PLCB2: variants seen among roughly 807,000 people sequenced by gnomAD.
The protein encoded by PLCB2 is phospholipase C beta 2, also known as 1-phosphatidylinositol 4,5-bisphosphate phosphodiesterase beta-2.
A neutral mutation model predicts 141.7 loss-of-function variants in PLCB2; 115 were observed. That is an observed-to-expected ratio of 0.81 (90% CI 0.70 to 0.95). PLCB2 has a LOEUF of 0.95. PLCB2 is among the 40% of genes least tolerant of loss of function. The probability of loss-of-function intolerance (pLI) is 0.00; values close to 1 mark genes in which losing one functional copy is unlikely to be tolerated. For missense variants in PLCB2, 1,403 were observed against 1,541.1 expected (o/e 0.91, Z 1.50); for synonymous variants, 603 against 595.6 (o/e 1.01, Z -0.18).
In PLCB2 at chr15:40,288,986, A is replaced by T. The variant is rs746545861; in HGVS notation, c.3355-68T>A. ...TGCTGGCCACCCTCGCTCCCTGGAC[A>T]GTGGGAACAGGAGATGCCCAATATC... On this transcript the variant is annotated intron_variant, in intron 31 of 31. Coordinates refer to ENST00000260402, the MANE Select transcript of PLCB2 (RefSeq NM_004573.3). 2.1e-5 allele frequency: 33 copies of T among 1,575,340 alleles called. No individual in the cohort carries two copies. In the African/African-American group the frequency reaches 3.7e-4, roughly 17 times the overall value.
chr15:40,291,035 C>CA lies in PLCB2; in HGVS notation c.3018_3019insT (p.Glu1007Ter). On this transcript the variant is annotated frameshift_variant, in exon 27 of 32. Transcript: ENST00000260402. LOFTEE classifies it high-confidence loss of function. ...CCGGCCACCTCGGCCACGTGCTGCT[C>CA]CTTGCGCTTCAGAACGCACTCGTAC... The CA allele has an allele frequency of 6.3e-7, 1 of 1,594,068 alleles. No homozygotes were observed. Among genetic ancestry groups the CA allele is most frequent in the Non-Finnish European group, 8.5e-7 (1 of 1,177,804 alleles).
rs780082782 is a variant in PLCB2, at chr15:40,298,680, C to T, written c.879G>A (p.Trp293Ter). 1.2e-6 allele frequency: 2 copies of T among 1,614,170 alleles called. No individual in the cohort carries two copies. Among genetic ancestry groups the T allele is most frequent in the African/African-American group, 1.3e-5 (1 of 75,044 alleles). ...CGCTGTTCTCTGGCCCACAGAGAAA[C>T]CAGACCATGCCTTCAGGTGACAGCT... ...RGQLSPEGMV[W>*]FLCGPENSVL... Residue 293 changes from tryptophan to a stop codon, truncating the protein, a stop_gained, in exon 10 of 32, where the codon TGG becomes TGA. Coordinates refer to ENST00000260402, the MANE Select transcript of PLCB2 (RefSeq NM_004573.3). LOFTEE classifies it high-confidence loss of function.
In PLCB2 at chr15:40,288,139, T is replaced by C; in HGVS notation, c.*576A>G. ...CAGCCAAGCAGGGCCAAGGCAGCTT[T>C]TCCATTTCAGCCTCCCGTTCCGGAC... is the stretch of plus-strand genomic sequence containing the variant. On this transcript the variant is annotated 3_prime_UTR_variant, in exon 32 of 32. Transcript: ENST00000260402. 1.0e-6 allele frequency: 1 copy of C among 985,526 alleles called. No homozygotes were observed. Among genetic ancestry groups the C allele is most frequent in the Non-Finnish European group, 1.2e-6 (1 of 830,022 alleles). The allele number at this position is 985,526 out of a possible 1,614,324, so 61.0% of individuals were successfully genotyped here.
At chr15:40,289,424 T>C in intron 30 of PLCB2, 66 bp from the exon 31 acceptor site, 3 of 1,199,590 alleles carry the variant, frequency 2.5e-6, no homozygotes, top group Non-Finnish European at 3.7e-6. Context: ...AGAATCCAGC[T>C]GTAATCCCAG....
chr15:40,292,001 G>A, intron 23 of PLCB2, 63 bp downstream of exon 23: 1 of 1,604,084 alleles, frequency 6.2e-7, no homozygotes, highest in Non-Finnish European at 8.5e-7. Flanking sequence ...CCTCTCCCCA[G>A]CCTCTCCCAT....
At position 40,307,642 on chromosome 15, in the gene PLCB2, G is replaced by A. The variant is rs754679334; in HGVS notation, c.31C>T (p.Pro11Ser). 2 of 1,583,260 alleles carry A rather than the reference G, an allele frequency of 1.3e-6. No homozygotes were observed. The highest frequency in any genetic ancestry group is 1.2e-5 in the South Asian group (1 of 86,804). Residue 11 changes from proline (P) to serine (S), a missense_variant, in exon 1 of 32, where the codon CCC becomes TCC. This residue lies in a region of PLCB2 where 975 missense variants were observed against 1,141.1 expected (regional missense o/e 0.85). Transcript: ENST00000260402. ...TGGCTCAGATAGGCCTTCACCTTGGGGGGCAGCAGGACAGGGTTGAGCAGA... is the reference window on the plus strand; with the variant it reads ...TGGCTCAGATAGGCCTTCACCTTGGAGGGCAGCAGGACAGGGTTGAGCAGA... MSLLNPVLLP[P>S]KVKAYLSQGE...
At chr15:40,292,903 C>T in intron 21 of PLCB2, 23 bp downstream of exon 21, 2 of 1,478,824 alleles carry the variant, frequency 1.4e-6, no homozygotes, top group South Asian at 1.2e-5. Flanking sequence ...GATCTTGGAA[C>T]AGTGAAGGAC....
At chr15:40,290,164 G>A in intron 29 of PLCB2, 82 bp from the exon 30 acceptor site, 1 of 906,830 alleles carries the variant, frequency 1.1e-6, no homozygotes, top group Non-Finnish European at 1.9e-6. Flanking sequence ...CAGGATGTAG[G>A]CAAATGAGAA....
intron 27 of PLCB2, 49 bp downstream of exon 27, chr15:40,290,969 G>A: frequency 6.5e-7 from 1 of 1,536,512 alleles, no homozygotes; most frequent in Non-Finnish European, 8.7e-7. Flanking sequence ...TCCATGGGGG[G>A]TGGGGTCGGT....
intron 24 of PLCB2, 98 bp downstream of exon 24, chr15:40,291,751 T>C: frequency 6.2e-7 from 1 of 1,602,902 alleles, no homozygotes; most frequent in Non-Finnish European, 8.5e-7. Context: ...ATGTGCCCCC[T>C]GCCCCGCACT....
intron 13 of PLCB2, 65 bp from the exon 14 acceptor site, chr15:40,296,973 T>C (rs1189625738): frequency 6.5e-7 from 1 of 1,539,620 alleles, no homozygotes; most frequent in African/African-American, 1.4e-5. Flanking sequence ...AGCTCCTTAT[T>C]ACCAGGCATG....
chr15:40,304,071 G>A lies in PLCB2; in HGVS notation c.92C>T (p.Thr31Ile), dbSNP rs1323459901. 5 of 1,594,818 alleles carry A rather than the reference G, an allele frequency of 3.1e-6. No individual in the cohort carries two copies. The highest frequency in any genetic ancestry group is 1.3e-5 in the African/African-American group (1 of 74,868). The change falls in exon 2 of 32, where the codon ACA (threonine) becomes ATA (isoleucine). Residue 31 changes from threonine (T) to isoleucine (I), a missense_variant. Thr to Ile is a moderately conservative substitution (Grantham distance 89). Transcript: ENST00000260402. ...ERFIKWDDET[T>I]VASPVILRVD... ...ACGGAGGATAACTGGAGAGGCAACT[G>A]TAGTTTCCTGCAGAGAGAAGGAGCC...
At chr15:40,289,841 C>CT (rs1396400341) in intron 30 of PLCB2, among the ~76,000 whole-genome samples, 184 bp downstream of exon 30, 1 of 152,192 alleles carries the variant, frequency 6.6e-6, no homozygotes, top group Non-Finnish European at 1.5e-5. Context: ...AGGATGTCCC[C>CT]TGCCACCCCA....
At chr15:40,290,181 C>T in intron 29 of PLCB2, 99 bp from the exon 30 acceptor site, 1 of 819,510 alleles carries the variant, frequency 1.2e-6, no homozygotes, top group South Asian at 1.4e-5. Flanking sequence ...AGAAATCCAA[C>T]ATAGGGCAGG....
At chr15:40,303,193 A>G (rs968148540) in intron 3 of PLCB2, 95 bp downstream of exon 3, 7 of 906,762 alleles carry the variant, frequency 7.7e-6, no homozygotes, top group South Asian at 1.3e-5. Context: ...CCCGTGCTTC[A>G]GAAGTCAGGC....
chr15:40,289,897 A>G, intron 30 of PLCB2, 128 bp downstream of exon 30: 1 of 812,364 alleles, frequency 1.2e-6, no homozygotes, highest in South Asian at 1.4e-5. Context: ...GGGCAAAGTC[A>G]GGGCCTGGGG....
chr15:40,302,463 G>T lies in PLCB2; in HGVS notation c.372+6C>A. ...CCAGACCCAGGCCCAGTGCTCCCTGGCACACCTTGCCCACGTTCTCCTTGT... is the reference window on the plus strand; with the variant it reads ...CCAGACCCAGGCCCAGTGCTCCCTGTCACACCTTGCCCACGTTCTCCTTGT... On this transcript the variant is annotated splice_donor_region_variant and intron_variant, in intron 4 of 31. Coordinates refer to ENST00000260402, the MANE Select transcript of PLCB2 (RefSeq NM_004573.3). 4.3e-6 allele frequency: 7 copies of T among 1,613,952 alleles called. No homozygotes were observed. The highest frequency in any genetic ancestry group is 5.9e-6 in the Non-Finnish European group (7 of 1,179,938).
Position 40,289,308 on chromosome 15 carries a change from C to A in PLCB2, c.3318G>T (p.Ala1106=), listed in dbSNP as rs764724083. ...TCTCCCGTATCTGTTCCAGGCAAGC[C>A]GCCTGCTTCTCCTCCAGCTTCTCCT... The part of the protein sequence containing the change: ...RHQEKLEEKQ[A]ACLEQIREME... The change falls in exon 31 of 32, where the codon GCG becomes GCT. Residue 1106 remains alanine, a synonymous_variant. Coordinates refer to ENST00000260402, the MANE Select transcript of PLCB2 (RefSeq NM_004573.3). 1 of 1,614,110 alleles carries A rather than the reference C, an allele frequency of 6.2e-7. No homozygotes were observed. Among genetic ancestry groups the A allele is most frequent in the Non-Finnish European group, 8.5e-7 (1 of 1,179,978 alleles).
Position 40,298,690 on chromosome 15 carries a change from C to A in PLCB2, c.869G>T (p.Gly290Val). The change falls in exon 10 of 32, where the codon GGC (glycine) becomes GTC (valine). Residue 290 changes from glycine to valine, a missense_variant. Physicochemically the swap from Gly to Val is moderately radical, Grantham distance 109 (BLOSUM62 -3). This residue lies in a region of PLCB2 where 975 missense variants were observed against 1,141.1 expected (regional missense o/e 0.85). Transcript: ENST00000260402. Reference protein sequence around the residue: ...NAQRGQLSPEGMVWFLCGPEN... With the variant: ...NAQRGQLSPEVMVWFLCGPEN... ...TGGCCCACAGAGAAACCAGACCATG[C>A]CTTCAGGTGACAGCTGGCCTGGGGG... is the stretch of plus-strand genomic sequence containing the variant. 1.2e-6 allele frequency: 2 copies of A among 1,614,166 alleles called. No homozygotes were observed. The highest frequency in any genetic ancestry group is 1.7e-6 in the Non-Finnish European group (2 of 1,180,014).
Sources: allele counts gnomAD v4.1 joint callset (sites outside exome capture counted in the v4.1 genomes callset), GRCh38; gene constraint gnomAD v4.1.1; regional missense constraint gnomAD v4.1.1; transcripts MANE v1.5; gene names NCBI Gene and HGNC (gene_info 2026-07-23, HGNC 2026-07-21).